The following PTBP3 variants were observed in gnomAD, a reference collection of about 807,000 sequenced individuals.
PTBP3 encodes polypyrimidine tract-binding protein 3.
A neutral mutation model predicts 58.7 loss-of-function variants in PTBP3; 20 were observed. That is an observed-to-expected ratio of 0.34 (90% CI 0.24 to 0.50). The LOEUF (loss-of-function observed/expected upper bound fraction) is 0.50, where lower values mean the gene tolerates loss of function less well. Among genes scored for constraint, PTBP3 ranks in the 20% least tolerant of loss-of-function variants. The pLI is 0.98. For synonymous variants in PTBP3, 185 were observed against 219.8 expected (o/e 0.84, Z 1.40); for missense variants, 509 against 637.2 (o/e 0.80, Z 2.17).
intron 10 of PTBP3, among the ~76,000 whole-genome samples, chr9:112,229,989 T>C (rs1835139183): frequency 6.6e-6 from 1 of 152,198 alleles, no homozygotes; most frequent in Admixed American, 6.5e-5. Context: ...CAATCATTAA[T>C]AAAAACTTTT....
chr9:112,229,109 A>G (rs1835104584), intron 10 of PTBP3, among the ~76,000 whole-genome samples: 1 of 152,188 alleles, frequency 6.6e-6, no homozygotes, highest in Non-Finnish European at 1.5e-5. Context: ...ATTTATATAA[A>G]CCAATATTAA....
the PTBP3 span, among the ~76,000 whole-genome samples, chr9:112,353,095 T>G: frequency 6.6e-6 from 1 of 152,114 alleles, no homozygotes; most frequent in Non-Finnish European, 1.5e-5. Context: ...GAGACAGGGT[T>G]TCACCATGTT....
At chr9:112,261,566 G>C (rs1836597367) in intron 5 of PTBP3, among the ~76,000 whole-genome samples, 1 of 152,082 alleles carries the variant, frequency 6.6e-6, no homozygotes, top group Non-Finnish European at 1.5e-5. Flanking sequence ...AAATAAGCAA[G>C]GGAAGTGTTG....
At chr9:112,256,856 G>GCTTTC (rs1836388252) in intron 5 of PTBP3, among the ~76,000 whole-genome samples, 1 of 35,446 alleles carries the variant, frequency 2.8e-5, no homozygotes, top group Admixed American at 3.2e-4. Context: ...TTTTTTTAAA[G>GCTTTC]CTTTCATTTT....
chr9:112,346,167 CTTTTTTT>C, the PTBP3 span, among the ~76,000 whole-genome samples: 1 of 150,434 alleles, frequency 6.6e-6, no homozygotes, highest in East Asian at 2.0e-4. Context: ...TTTCTTTTTT[CTTTTTTT>C]TCCTTTTTTC....
intron 1 of PTBP3, among the ~76,000 whole-genome samples, chr9:112,320,315 T>TATA (rs60292377): frequency 3.0e-4 from 8 of 27,078 alleles, no homozygotes; most frequent in African/African-American, 9.4e-4. Flanking sequence ...TATATATATA[T>TATA]TTTTTTTTAA....
chr9:112,345,282 G>C, the PTBP3 span, among the ~76,000 whole-genome samples: 2 of 140,832 alleles, frequency 1.4e-5, no homozygotes, highest in African/African-American at 5.3e-5. Flanking sequence ...AGGTGACAGC[G>C]AGTTGTGATT....
chr9:112,224,434 T>C (rs7025680), intron 12 of PTBP3, among the ~76,000 whole-genome samples: 84,951 of 152,096 alleles, frequency 0.56, 25,463 homozygotes, highest in African/African-American at 0.8. Context: ...TGCAGGTATA[T>C]AAAGGGCAAG....
At chr9:112,258,498 T>A (rs1836464755) in intron 5 of PTBP3, among the ~76,000 whole-genome samples, 1 of 152,190 alleles carries the variant, frequency 6.6e-6, no homozygotes, top group African/African-American at 2.4e-5. Context: ...GTTAACATGT[T>A]CAAATCAAAC....
chr9:112,253,168 A>T (rs1424213954), intron 5 of PTBP3, among the ~76,000 whole-genome samples: 1 of 152,218 alleles, frequency 6.6e-6, no homozygotes. Flanking sequence ...CCACTAGAAG[A>T]TGTTCAACTA....
the PTBP3 span, among the ~76,000 whole-genome samples, chr9:112,345,524 C>T: frequency 2.6e-5 from 4 of 151,562 alleles, no homozygotes; most frequent in Non-Finnish European, 5.9e-5. Context: ...CGCAGGAGCA[C>T]ACCACCATGC....
chr9:112,333,156 C>A lies in PTBP3; in HGVS notation c.-52+314G>T, dbSNP rs572016580. On this transcript the variant is annotated intron_variant, in intron 1 of 13. Coordinates refer to ENST00000374257, the MANE Select transcript of PTBP3 (RefSeq NM_001163788.4). ...CGAGCTGGGCTCCCCGGACTCGGGG[C>A]GCGGAGGGCGGACCTCGGCACCGCG... The A allele has an allele frequency of 4.1e-6, 5 of 1,209,900 alleles. No individual in the cohort carries two copies. The East Asian group carries it at 9.9e-5, about 24-fold the overall frequency. 74.9% of individuals were successfully genotyped at this position (1,209,900 alleles called of 1,614,324 possible).
At chr9:112,374,623 A>C in the PTBP3 span, among the ~76,000 whole-genome samples, 4 of 152,220 alleles carry the variant, frequency 2.6e-5, no homozygotes, top group African/African-American at 9.6e-5. Context: ...ATGATGGGGA[A>C]CATGGTAAGA....
At chr9:112,305,661 C>G (rs181619668) in intron 1 of PTBP3, among the ~76,000 whole-genome samples, 1 of 152,254 alleles carries the variant, frequency 6.6e-6, no homozygotes, top group African/African-American at 2.4e-5. Flanking sequence ...GAGCTTTCAG[C>G]CGGGCACGGT....
At chr9:112,230,467 G>GA (rs1216619341) in intron 10 of PTBP3, among the ~76,000 whole-genome samples, 14 of 152,074 alleles carry the variant, frequency 9.2e-5, no homozygotes, top group South Asian at 2.1e-4. Flanking sequence ...GATTTACGGG[G>GA]AAAAAATCTA....
At chr9:112,363,758 G>C in the PTBP3 span, among the ~76,000 whole-genome samples, 1 of 152,070 alleles carries the variant, frequency 6.6e-6, no homozygotes, top group Non-Finnish European at 1.5e-5. Context: ...TGAGCAAAAA[G>C]TACTGAGAGT....
intron 6 of PTBP3, 42 bp downstream of exon 6, chr9:112,252,636 G>C (rs934855632): frequency 1.5e-6 from 2 of 1,378,704 alleles, no homozygotes; most frequent in Non-Finnish European, 2.1e-6. Context: ...GGTATCACTG[G>C]AGTGATTAAC....
chr9:112,233,711 G>A (rs10817293), intron 8 of PTBP3, among the ~76,000 whole-genome samples: 41,906 of 151,888 alleles, frequency 0.28, 6,764 homozygotes, highest in South Asian at 0.4. Flanking sequence ...CAGGCTAATC[G>A]CTTGAGGCCA....
At chr9:112,293,428 AT>A (rs1342120884) in intron 2 of PTBP3, among the ~76,000 whole-genome samples, 1 of 152,212 alleles carries the variant, frequency 6.6e-6, no homozygotes, top group Non-Finnish European at 1.5e-5. Flanking sequence ...CATACACAAA[AT>A]ACAGTACATA....
Sources: allele counts gnomAD v4.1 joint callset (sites outside exome capture counted in the v4.1 genomes callset), GRCh38; gene constraint gnomAD v4.1.1; transcripts MANE v1.5; gene names NCBI Gene and HGNC (gene_info 2026-07-23, HGNC 2026-07-21).